SDCBP2: variants seen among roughly 807,000 people sequenced by gnomAD.
SDCBP2 encodes syntenin-2.
A neutral mutation model predicts 30.7 loss-of-function variants in SDCBP2; 28 were observed. That is an observed-to-expected ratio of 0.91 (90% CI 0.68 to 1.25). The LOEUF (loss-of-function observed/expected upper bound fraction) is 1.25. Ranked by LOEUF, SDCBP2 falls within the 50% of genes most tolerant of loss-of-function variation. SDCBP2 has a pLI of 0.00. For synonymous variants in SDCBP2, 166 were observed against 157.3 expected, an observed-to-expected ratio of 1.06 and a Z score of -0.41; for missense variants, 399 against 379.0, an observed-to-expected ratio of 1.05 and a Z score of -0.44.
At chr20:1,328,767 G>A (rs1250587488) in intron 1 of SDCBP2, among the ~76,000 whole-genome samples, 2 of 152,102 alleles carry the variant, frequency 1.3e-5, no homozygotes, top group Non-Finnish European at 2.9e-5. Context: ...CTCTGGTTTC[G>A]GCTGGAATTG....
rs529595719 is a variant in SDCBP2 at position 1,320,299 on chromosome 20, C to T, written c.54+64G>A. The T allele has an allele frequency of 9.4e-6, 14 of 1,490,120 alleles. No individual in the cohort carries two copies. The African/African-American group carries it at 1.7e-4, about 18-fold the overall frequency. 92.3% of individuals were successfully genotyped at this position (1,490,120 alleles called of 1,614,324 possible). A position where few individuals can be genotyped will look rare whatever the true frequency, so the allele number is the denominator to read the frequency against. On this transcript the variant is annotated intron_variant, in intron 2 of 8. Transcript: ENST00000360779. This position sits in a 1 kb window ranked among gnomAD's most constrained non-coding sequence, Gnocchi z 4.7. The stretch of plus-strand genomic sequence containing the variant: ...CTCCAAGTGGCCCCAGTACCCAGCA[C>T]CTTCCAGGGTAATCCCCAAGGTCCC...
chr20:1,318,043 C>A (rs535097712), intron 4 of SDCBP2: 2 of 494,032 alleles, frequency 4.0e-6, no homozygotes, highest in Non-Finnish European at 7.8e-6. Context: ...GGCTTAATGA[C>A]CTCCCTTCTC....
At chr20:1,316,264 A>G (rs2088775670) in intron 4 of SDCBP2, among the ~76,000 whole-genome samples, 1 of 152,246 alleles carries the variant, frequency 6.6e-6, no homozygotes, top group Admixed American at 6.5e-5. Flanking sequence ...AGCCATCATT[A>G]TACCTATCAT....
At chr20:1,314,441 T>A (rs1157206789) in intron 4 of SDCBP2, among the ~76,000 whole-genome samples, 1 of 116,588 alleles carries the variant, frequency 8.6e-6, no homozygotes, top group African/African-American at 3.4e-5. Flanking sequence ...GAGCCAAGAC[T>A]GAGCCACTGC....
Position 1,320,259 on chromosome 20 carries a change from G to A in SDCBP2, c.54+104C>T, listed in dbSNP as rs1600282954. On this transcript the variant is annotated intron_variant, in intron 2 of 8. Coordinates refer to ENST00000360779, the MANE Select transcript of SDCBP2 (RefSeq NM_080489.5). This position sits in a 1 kb window ranked among gnomAD's most constrained non-coding sequence, Gnocchi z 4.7. ...CCTGCAGTGGACACCTACATGCCCT[G>A]AGGCCTACGGGAATCTCCAAGTGGC... 6 of 1,024,936 alleles carry A rather than the reference G, an allele frequency of 5.9e-6. No homozygotes were observed. Among genetic ancestry groups the A allele is most frequent in the East Asian group, 4.8e-5 (2 of 41,964 alleles). The allele number at this position is 1,024,936 out of a possible 1,614,324, so 63.5% of individuals were successfully genotyped here.
In SDCBP2 at chr20:1,320,586, C is replaced by T; in HGVS notation, c.-19-151G>A. On this transcript the variant is annotated intron_variant, in intron 1 of 8. Coordinates refer to ENST00000360779, the MANE Select transcript of SDCBP2 (RefSeq NM_080489.5). The surrounding 1 kb of genome is among the most constrained non-coding windows in gnomAD (Gnocchi z 4.7). ...TAGAATGCCTCCCCGAACTCCACCC[C>T]TAATCCCCTGTCGATATTTGAACTC... 1 of 588,532 alleles carries T rather than the reference C, an allele frequency of 1.7e-6. No homozygotes were observed. The highest frequency in any genetic ancestry group is 2.1e-5 in the South Asian group (1 of 48,182). 36.5% of individuals were successfully genotyped at this position (588,532 alleles called of 1,614,324 possible). A position where few individuals can be genotyped will look rare whatever the true frequency, so the allele number is the denominator to read the frequency against.
Position 1,310,344 on chromosome 20 carries a change from A to T in SDCBP2, c.*97T>A. The T allele has an allele frequency of 1.5e-6, 2 of 1,292,738 alleles. No individual in the cohort carries two copies. Among genetic ancestry groups the T allele is most frequent in the Non-Finnish European group, 2.2e-6 (2 of 903,192 alleles). The allele number at this position is 1,292,738 out of a possible 1,614,324, so 80.1% of individuals were successfully genotyped here. On this transcript the variant is annotated 3_prime_UTR_variant, in exon 9 of 9. Transcript: ENST00000360779. ...CCCCCCTCATGGCAGCCCCCACCTT[A>T]AGCAGCAGGCCGGCTGCAACCCATC...
rs560992443 is a variant in SDCBP2 at position 1,310,808 on chromosome 20, C to G, written c.816G>C (p.Met272Ile). The G allele has an allele frequency of 6.2e-7, 1 of 1,612,412 alleles. No homozygotes were observed. Among genetic ancestry groups the G allele is most frequent in the Admixed American group, 1.7e-5 (1 of 59,934 alleles). ...GAGGGGTGCAGCCTTACTTTTTGACCATGTGCTCGTAGATCACACTGGGGA... is the reference window on the plus strand; with the variant it reads ...GAGGGGTGCAGCCTTACTTTTTGACGATGTGCTCGTAGATCACACTGGGGA... ...TIIPSVIYEH[M>I]VKKLPPVLLH... The change falls in exon 8 of 9, where the codon ATG becomes ATC. Residue 272 changes from methionine to isoleucine, a missense_variant. Transcript: ENST00000360779.
Position 1,310,418 on chromosome 20 carries a change from G to A in SDCBP2, c.*23C>T. The A allele has an allele frequency of 6.2e-7, 1 of 1,612,094 alleles. No homozygotes were observed. The highest frequency in any genetic ancestry group is 8.5e-7 in the Non-Finnish European group (1 of 1,179,318). ...TGCAGGAGGGCGGGAAGCCCCCCCT[G>A]CCTGCCCTGCCCTGCAGTGGCTTCA... On this transcript the variant is annotated 3_prime_UTR_variant, in exon 9 of 9. Transcript: ENST00000360779.
Position 1,324,578 on chromosome 20 carries a change from T to C in SDCBP2, c.-19-4143A>G, listed in dbSNP as rs1184542443. ...TAAGCCAAAAATCCGTTATAATTGG[T>C]TGTACATACAATCACAATGAATTTT... On this transcript the variant is annotated intron_variant, in intron 1 of 8. Coordinates refer to ENST00000360779, the MANE Select transcript of SDCBP2 (RefSeq NM_080489.5). The surrounding 1 kb of genome is among the most constrained non-coding windows in gnomAD (Gnocchi z 4.7). Among the ~76,000 whole-genome samples, 1 of 152,192 alleles carries C rather than the reference T, an allele frequency of 6.6e-6. No homozygotes were observed. Among genetic ancestry groups the C allele is most frequent in the Admixed American group, 6.5e-5 (1 of 15,278 alleles).
intron 4 of SDCBP2, among the ~76,000 whole-genome samples, chr20:1,314,835 A>G (rs1418739750): frequency 1.3e-5 from 2 of 152,070 alleles, no homozygotes; most frequent in Non-Finnish European, 2.9e-5. Context: ...TGAAAACAAC[A>G]AAATACTGAT....
intron 3 of SDCBP2, among the ~76,000 whole-genome samples, 199 bp from the exon 4 acceptor site, chr20:1,318,617 C>T (rs945275755): frequency 2.0e-5 from 3 of 152,122 alleles, no homozygotes; most frequent in African/African-American, 4.8e-5. Context: ...GGTAGGACAC[C>T]GAGTCCTCAT....
At chr20:1,312,834 G>A in intron 5 of SDCBP2, 72 bp from the exon 6 acceptor site, 6 of 1,472,152 alleles carry the variant, frequency 4.1e-6, no homozygotes, top group Non-Finnish European at 4.5e-6. Flanking sequence ...CCAACCTGTT[G>A]TTTTCCTCCT....
chr20:1,310,936 AG>A, intron 7 of SDCBP2, 45 bp from the exon 8 acceptor site: 1 of 1,451,714 alleles, frequency 6.9e-7, no homozygotes, highest in Non-Finnish European at 9.6e-7. Context: ...ATTGGGGACC[AG>A]GGGCAACTCT....
Position 1,312,388 on chromosome 20 carries a change from G to A in SDCBP2, c.681C>T (p.Leu227=). ...CCACCTCACACACGTAGTGGTTGGT[G>A]AGGAGCCCGTTGCGGGCCGCAGAAC... ...KGSSAARNGL[L]TNHYVCEVDG... is the part of the protein sequence containing the mutation. The change falls in exon 7 of 9, where the codon CTC becomes CTT. Residue 227 remains leucine, a synonymous_variant. Coordinates refer to ENST00000360779, the MANE Select transcript of SDCBP2 (RefSeq NM_080489.5). 5 of 1,613,528 alleles carry A rather than the reference G, an allele frequency of 3.1e-6. No individual in the cohort carries two copies. Among genetic ancestry groups the A allele is most frequent in the Admixed American group, 3.3e-5 (2 of 59,922 alleles).
chr20:1,312,710 AG>A lies in SDCBP2; in HGVS notation c.436del (p.Leu146CysfsTer27). 6.2e-7 allele frequency: 1 copy of A among 1,614,120 alleles called. No individual in the cohort carries two copies. Among genetic ancestry groups the A allele is most frequent in the Non-Finnish European group, 8.5e-7 (1 of 1,180,028 alleles). On this transcript the variant is annotated frameshift_variant, in exon 6 of 9. Transcript: ENST00000360779. LOFTEE classifies it high-confidence loss of function. ...CTGCAGGAGCTGGTCCCCAAAGCGCAGCCCCACAAGGGATGCAGGGGTGTTG... is the reference window on the plus strand; with the variant it reads ...CTGCAGGAGCTGGTCCCCAAAGCGCACCCCACAAGGGATGCAGGGGTGTTG... ...QANTPASLVGLRFGDQLLQID... is the reference protein window; with the variant it reads ...QANTPASLVGXRFGDQLLQID...
At position 1,313,778 on chromosome 20, in the gene SDCBP2, C is replaced by T; in HGVS notation, c.226-280G>A. 1 of 643,234 alleles carries T rather than the reference C, an allele frequency of 1.6e-6. No individual in the cohort carries two copies. Among genetic ancestry groups the T allele is most frequent in the Non-Finnish European group, 2.2e-6 (1 of 453,824 alleles). 39.8% of individuals were successfully genotyped at this position (643,234 alleles called of 1,614,324 possible). On this transcript the variant is annotated intron_variant, in intron 4 of 8. Coordinates refer to ENST00000360779, the MANE Select transcript of SDCBP2 (RefSeq NM_080489.5). The surrounding 1 kb of genome is among the most constrained non-coding windows in gnomAD (Gnocchi z 5.2). ...TTCATTTCCCAAGGGAAACTGGCAT[C>T]AGGAAAAGCCTCCTTTAAAACCCAC...
rs2088810371 is a variant in SDCBP2, at chr20:1,318,498, G to T, written c.125-80C>A. On this transcript the variant is annotated intron_variant, in intron 3 of 8. Coordinates refer to ENST00000360779, the MANE Select transcript of SDCBP2 (RefSeq NM_080489.5). ...ATGCCTGCCTGGCTCCCCTGTGGCTGCTCATTTTTATTAAGAAATGGAGCC... is the reference window on the plus strand; with the variant it reads ...ATGCCTGCCTGGCTCCCCTGTGGCTTCTCATTTTTATTAAGAAATGGAGCC... 7.2e-6 allele frequency: 6 copies of T among 829,756 alleles called. No homozygotes were observed. The East Asian group carries it at 1.3e-4, about 17-fold the overall frequency. The allele number at this position is 829,756 out of a possible 1,614,324, so 51.4% of individuals were successfully genotyped here.
At chr20:1,319,482 G>T in intron 3 of SDCBP2, 108 bp downstream of exon 3, 1 of 1,185,650 alleles carries the variant, frequency 8.4e-7, no homozygotes, top group Non-Finnish European at 1.2e-6. Context: ...ACCATGTTGA[G>T]TCCTTAACCC....
Sources: gnomAD v4.1 joint callset for allele counts (sites outside exome capture counted in the v4.1 genomes callset) on GRCh38, gnomAD v4.1.1 for gene constraint, Gnocchi (gnomAD v3.1) non-coding constraint, MANE v1.5 for transcripts, NCBI Gene and HGNC (gene_info 2026-07-23, HGNC 2026-07-21) for gene names.